LATS2: variants seen among roughly 807,000 people sequenced by gnomAD.
LATS2 encodes the protein large tumor suppressor kinase 2, also known as serine/threonine-protein kinase LATS2.
LATS2 carries 24 observed loss-of-function variants against 76.0 expected under a neutral mutation model. The observed-to-expected ratio is 0.32, with a 90% CI of 0.23 to 0.44. The LOEUF (loss-of-function observed/expected upper bound fraction) is 0.44, where lower values mean the gene tolerates loss of function less well. Among genes scored for constraint, LATS2 ranks in the 20% least tolerant of loss-of-function variants. The pLI, the probability that LATS2 is intolerant of heterozygous loss-of-function variation, is 1.00. For synonymous variants in LATS2, 692 were observed against 635.4 expected, an observed-to-expected ratio of 1.09 and a Z score of -1.34; for missense variants, 1,286 against 1,481.2, an observed-to-expected ratio of 0.87 and a Z score of 2.16.
rs1037345064 is a variant in LATS2 at position 20,989,009 on chromosome 13, G to A, written c.771C>T (p.His257=). Residue 257 remains histidine, a synonymous_variant, in exon 4 of 8, where the codon CAC becomes CAT. Transcript: ENST00000382592. ...PLQGAHYGRP[H]LLVPGEPLGY... The stretch of plus-strand genomic sequence containing the variant: ...CCAGGGGTTCCCCAGGCACCAGCAG[G>A]TGCGGCCGCCCGTAGTGCGCGCCCT... The A allele has an allele frequency of 6.5e-6, 10 of 1,549,728 alleles. No individual in the cohort carries two copies. The Admixed American group carries it at 9.6e-5, about 15-fold the overall frequency.
chr13:21,033,631 T>C (rs115508570), intron 2 of LATS2, among the ~76,000 whole-genome samples: 3,553 of 149,648 alleles, frequency 0.024, 169 homozygotes, highest in African/African-American at 0.084. Flanking sequence ...GTCTCCAAGG[T>C]TGACAGACGG....
Position 20,991,981 on chromosome 13 carries a change from T to C in LATS2, c.343-577A>G, listed in dbSNP as rs1870528656. Among the ~76,000 whole-genome samples the C allele has an allele frequency of 6.6e-6, 1 of 152,166 alleles. No homozygotes were observed. The highest frequency in any genetic ancestry group is 2.4e-5 in the African/African-American group (1 of 41,428). ...AGAAAGGAGACAAAACAGGGGCCCA[T>C]GGAGCCACACCGGTCCAGGACAGGT... On this transcript the variant is annotated intron_variant, in intron 2 of 7. Coordinates refer to ENST00000382592, the MANE Select transcript of LATS2 (RefSeq NM_014572.3). This position sits in a 1 kb window ranked among gnomAD's most constrained non-coding sequence, Gnocchi z 4.9.
At chr13:21,033,276 G>T (rs760692992) in intron 2 of LATS2, among the ~76,000 whole-genome samples, 1 of 152,064 alleles carries the variant, frequency 6.6e-6, no homozygotes, top group Non-Finnish European at 1.5e-5. Flanking sequence ...GAGAGAATAG[G>T]GGGTAGAGGG....
chr13:21,026,428 G>A (rs145840066), intron 2 of LATS2, among the ~76,000 whole-genome samples: 7 of 152,184 alleles, frequency 4.6e-5, no homozygotes, highest in Non-Finnish European at 4.4e-5. Context: ...TGATGCTGTT[G>A]TATAAGTGGT....
intron 2 of LATS2, among the ~76,000 whole-genome samples, chr13:21,019,668 CA>C (rs1281059777): frequency 0.61 from 52,554 of 86,550 alleles, 16,172 homozygotes; most frequent in East Asian, 0.78. Context: ...TTTAATCTCT[CA>C]AAAAAAAAAA....
At chr13:21,057,539 G>A (rs562211177) in intron 1 of LATS2, among the ~76,000 whole-genome samples, 9 of 152,284 alleles carry the variant, frequency 5.9e-5, no homozygotes, top group South Asian at 2.1e-4. Flanking sequence ...GTAACAGGCC[G>A]GGCGCGGTGG....
chr13:21,024,093 C>CAAAAA (rs748881098), intron 2 of LATS2, among the ~76,000 whole-genome samples: 52 of 79,126 alleles, frequency 6.6e-4, no homozygotes, highest in East Asian at 9.0e-4. Flanking sequence ...TCTCGCTGTG[C>CAAAAA]AAAAAAAAAA....
chr13:21,000,289 G>A (rs921718377), intron 2 of LATS2, among the ~76,000 whole-genome samples: 2 of 151,970 alleles, frequency 1.3e-5, no homozygotes, highest in African/African-American at 4.8e-5. Flanking sequence ...GCTGAGGCAG[G>A]AGAATCACTT....
chr13:21,030,039 G>A (rs111340114), intron 2 of LATS2, among the ~76,000 whole-genome samples: 3,442 of 151,708 alleles, frequency 0.023, 157 homozygotes, highest in African/African-American at 0.079. Context: ...CAGGAGAATT[G>A]CTTGAACCTG....
chr13:21,046,184 G>C lies in LATS2; in HGVS notation c.-158C>G. 1.7e-6 allele frequency: 1 copy of C among 575,518 alleles called. No homozygotes were observed. 35.7% of individuals were successfully genotyped at this position (575,518 alleles called of 1,614,324 possible). ...TCCTTCCATTTTTGTAGTTCCTATA[G>C]AGAACCTAAAATTTTCCAAAGTCTT... On this transcript the variant is annotated 5_prime_UTR_variant, in exon 2 of 8. Coordinates refer to ENST00000382592, the MANE Select transcript of LATS2 (RefSeq NM_014572.3).
At chr13:20,975,833 G>C (rs751456234) in intron 7 of LATS2, among the ~76,000 whole-genome samples, 1 of 152,118 alleles carries the variant, frequency 6.6e-6, no homozygotes, top group Non-Finnish European at 1.5e-5. Flanking sequence ...ACAGGCGCCT[G>C]CCACCACACC....
At chr13:21,023,505 C>A (rs1872156598) in intron 2 of LATS2, among the ~76,000 whole-genome samples, 1 of 151,864 alleles carries the variant, frequency 6.6e-6, no homozygotes, top group African/African-American at 2.4e-5. Context: ...CCTCTGTTCT[C>A]GAGGCGGGGC....
Position 20,988,789 on chromosome 13 carries a change from G to A in LATS2, c.991C>T (p.Leu331=). 2 of 1,593,660 alleles carry A rather than the reference G, an allele frequency of 1.3e-6. No homozygotes were observed. The highest frequency in any genetic ancestry group is 2.2e-5 in the East Asian group (1 of 44,680). ...AGPAAHQLHV[L]GSRSQVFASD... is the part of the protein sequence containing the mutation. The stretch of plus-strand genomic sequence containing the variant: ...GCGAACACCTGGCTGCGGGAGCCCA[G>A]CACATGCAGCTGGTGGGCCGCGGGA... Residue 331 remains leucine, a synonymous_variant, in exon 4 of 8, where the codon CTG becomes TTG. Transcript: ENST00000382592.
chr13:21,006,468 C>T (rs1183394244), intron 2 of LATS2, among the ~76,000 whole-genome samples: 1 of 152,190 alleles, frequency 6.6e-6, no homozygotes, highest in African/African-American at 2.4e-5. Flanking sequence ...TTATAAAGGA[C>T]TAACTTGTGC....
In LATS2 at chr13:20,988,309, C is replaced by A. The variant is rs371872148; in HGVS notation, c.1471G>T (p.Ala491Ser). 13 of 1,553,266 alleles carry A rather than the reference C, an allele frequency of 8.4e-6. No homozygotes were observed. The highest frequency in any genetic ancestry group is 2.1e-4 in the Middle Eastern group (1 of 4,790). The change falls in exon 4 of 8, where the codon GCC (alanine) becomes TCC (serine). Residue 491 changes from alanine (A) to serine (S), a missense_variant. Ala to Ser is a moderately conservative substitution (Grantham distance 99). Coordinates refer to ENST00000382592, the MANE Select transcript of LATS2 (RefSeq NM_014572.3). Reference protein sequence around the residue: ...AEGLDAKEEHALALGGAGAFP... With the variant: ...AEGLDAKEEHSLALGGAGAFP... ...GCGCCTGCGCCGCCCAGCGCCAGGG[C>A]ATGCTCCTCCTTGGCGTCCAAGCCC...
At chr13:20,978,887 G>A (rs747584993) in intron 7 of LATS2, among the ~76,000 whole-genome samples, 1 of 152,078 alleles carries the variant, frequency 6.6e-6, no homozygotes, top group East Asian at 1.9e-4. Context: ...TCAGCCTCCT[G>A]AGTAGCTGGG....
intron 1 of LATS2, among the ~76,000 whole-genome samples, chr13:21,060,281 G>T (rs1323092144): frequency 6.6e-6 from 1 of 152,234 alleles, no homozygotes; most frequent in East Asian, 1.9e-4. Flanking sequence ...AGGATGTGAT[G>T]GCAAGATGTG....
intron 2 of LATS2, among the ~76,000 whole-genome samples, chr13:21,033,302 C>A (rs551687441): frequency 6.6e-6 from 1 of 152,124 alleles, no homozygotes; most frequent in Admixed American, 6.5e-5. Context: ...AGAACACACG[C>A]TCCTGGTGTA....
At chr13:21,008,183 A>G (rs1332661975) in intron 2 of LATS2, among the ~76,000 whole-genome samples, 2 of 150,456 alleles carry the variant, frequency 1.3e-5, no homozygotes, top group Admixed American at 6.6e-5. Context: ...TCGCTGCTGC[A>G]TTGCCAGCTA....
Sources: allele counts gnomAD v4.1 joint callset (sites outside exome capture counted in the v4.1 genomes callset), GRCh38; gene constraint gnomAD v4.1.1; non-coding constraint Gnocchi (gnomAD v3.1); transcripts MANE v1.5; gene names NCBI Gene and HGNC (gene_info 2026-07-23, HGNC 2026-07-21).